L3MBTL4: variants seen among roughly 807,000 people sequenced by gnomAD.
L3MBTL4 encodes lethal(3)malignant brain tumor-like protein 4.
A neutral mutation model predicts 84.5 loss-of-function variants in L3MBTL4; 70 were observed. The ratio of observed to expected loss-of-function variants is 0.83; its 90% CI spans 0.68 to 1.01. The LOEUF is 1.01. Among genes scored for constraint, L3MBTL4 ranks in the 50% least tolerant of loss-of-function variants. The pLI, the probability that L3MBTL4 is intolerant of heterozygous loss-of-function variation, is 0.00. For missense variants in L3MBTL4, 715 were observed against 754.8 expected, an observed-to-expected ratio of 0.95 and a Z score of 0.62; for synonymous variants, 274 against 259.8, an observed-to-expected ratio of 1.05 and a Z score of -0.52.
intron 1 of L3MBTL4, among the ~76,000 whole-genome samples, chr18:6,412,697 G>C (rs1276590054): frequency 6.6e-6 from 1 of 152,052 alleles, no homozygotes; most frequent in Non-Finnish European, 1.5e-5. Flanking sequence ...GGTCCTACGA[G>C]TATTTGTTGA....
chr18:6,071,740 G>GA (rs2057627501), intron 16 of L3MBTL4, among the ~76,000 whole-genome samples: 1 of 40,670 alleles, frequency 2.5e-5, no homozygotes, highest in Admixed American at 3.0e-4. Context: ...AAAGAAAGAA[G>GA]GAAGGAAAGA....
intron 16 of L3MBTL4, among the ~76,000 whole-genome samples, chr18:5,972,053 G>C (rs1029585843): frequency 6.6e-6 from 1 of 152,190 alleles, no homozygotes. Flanking sequence ...GGAATAGGCT[G>C]TATATGCCAA....
chr18:6,160,004 T>C (rs1014950067), intron 13 of L3MBTL4, among the ~76,000 whole-genome samples: 1 of 152,190 alleles, frequency 6.6e-6, no homozygotes, highest in African/African-American at 2.4e-5. Context: ...AAACAAGGGC[T>C]GAAGGGGCAG....
chr18:6,011,136 G>A (rs548458618), intron 16 of L3MBTL4, among the ~76,000 whole-genome samples: 1 of 152,276 alleles, frequency 6.6e-6, no homozygotes, highest in East Asian at 1.9e-4. Flanking sequence ...AACTTATGGT[G>A]TCTCATCAAG....
chr18:6,265,749 T>A (rs2146403541), intron 4 of L3MBTL4, among the ~76,000 whole-genome samples: 1 of 151,962 alleles, frequency 6.6e-6, no homozygotes, highest in African/African-American at 2.4e-5. Flanking sequence ...CTTATAGACA[T>A]GCAATAAAAA....
intron 1 of L3MBTL4, among the ~76,000 whole-genome samples, chr18:6,372,271 G>A (rs577738037): frequency 6.6e-6 from 1 of 152,290 alleles, no homozygotes; most frequent in African/African-American, 2.4e-5. Context: ...CATCCACCTG[G>A]TCCATAGCAA....
chr18:6,134,435 C>A (rs2059969682), intron 14 of L3MBTL4, among the ~76,000 whole-genome samples: 1 of 152,180 alleles, frequency 6.6e-6, no homozygotes, highest in South Asian at 2.1e-4. Context: ...ACCCAAAAGT[C>A]CACAGTCCAA....
chr18:6,191,059 G>A (rs938241955), intron 12 of L3MBTL4, among the ~76,000 whole-genome samples: 14 of 152,118 alleles, frequency 9.2e-5, no homozygotes, highest in African/African-American at 3.4e-4. Flanking sequence ...TTTATTCTTG[G>A]GGAGACAGGA....
intron 16 of L3MBTL4, among the ~76,000 whole-genome samples, chr18:5,985,994 G>T (rs1187384999): frequency 6.6e-6 from 1 of 152,172 alleles, no homozygotes; most frequent in Non-Finnish European, 1.5e-5. Context: ...GCAACCAGGG[G>T]TGCTGAGCAA....
chr18:6,248,133 G>A (rs2047764876), intron 5 of L3MBTL4, among the ~76,000 whole-genome samples: 1 of 152,238 alleles, frequency 6.6e-6, no homozygotes, highest in South Asian at 2.1e-4. Context: ...CAAAAGGTTT[G>A]TTCTGCCCTC....
chr18:6,063,933 A>C (rs1026082149), intron 16 of L3MBTL4, among the ~76,000 whole-genome samples: 6 of 151,872 alleles, frequency 4.0e-5, no homozygotes, highest in Admixed American at 3.9e-4. Context: ...TCTTTGCCTA[A>C]GCTAATGTCC....
intron 16 of L3MBTL4, among the ~76,000 whole-genome samples, chr18:6,073,171 G>C (rs1024709362): frequency 6.6e-6 from 1 of 151,012 alleles, no homozygotes; most frequent in Non-Finnish European, 1.5e-5. Context: ...CAGAGAGAGA[G>C]AGAGTGAGAG....
intron 1 of L3MBTL4, among the ~76,000 whole-genome samples, chr18:6,324,565 C>T (rs1465947069): frequency 9.2e-5 from 14 of 152,316 alleles, no homozygotes; most frequent in African/African-American, 2.4e-4. Flanking sequence ...GGCAAGCTGA[C>T]GCTTAAAATG....
chr18:6,096,678 T>A (rs1250248633), intron 14 of L3MBTL4, among the ~76,000 whole-genome samples: 2 of 152,150 alleles, frequency 1.3e-5, no homozygotes, highest in African/African-American at 4.8e-5. Flanking sequence ...AAAAGAAGAC[T>A]GAAGTGGACA....
At chr18:6,332,781 T>A (rs561134706) in intron 1 of L3MBTL4, among the ~76,000 whole-genome samples, 6 of 152,256 alleles carry the variant, frequency 3.9e-5, no homozygotes, top group Non-Finnish European at 8.8e-5. Flanking sequence ...CTCAGTTTTG[T>A]GAGCTAATAA....
At chr18:6,069,930 T>G (rs2145963808) in intron 16 of L3MBTL4, among the ~76,000 whole-genome samples, 1 of 152,184 alleles carries the variant, frequency 6.6e-6, no homozygotes, top group East Asian at 1.9e-4. Flanking sequence ...TAAAAATTAA[T>G]TACATGAGTG....
chr18:6,079,844 G>C (rs185187202), intron 16 of L3MBTL4: 1 of 152,262 alleles, frequency 6.6e-6, no homozygotes, highest in East Asian at 1.9e-4. Context: ...GCAGACTTGA[G>C]CTCTGGTTAT....
chr18:6,175,834 A>T (rs1249067668), intron 12 of L3MBTL4, among the ~76,000 whole-genome samples: 1 of 152,200 alleles, frequency 6.6e-6, no homozygotes, highest in Non-Finnish European at 1.5e-5. Context: ...ATTAGGCAAG[A>T]GAAAGAAATA....
intron 4 of L3MBTL4, among the ~76,000 whole-genome samples, chr18:6,266,308 ATTCT>A (rs1408946736): frequency 6.6e-6 from 1 of 152,238 alleles, no homozygotes; most frequent in East Asian, 1.9e-4. Context: ...TGACATAAAT[ATTCT>A]TTCTTTATTT....
Sources: gnomAD v4.1 joint callset for allele counts (sites outside exome capture counted in the v4.1 genomes callset) on GRCh38, gnomAD v4.1.1 for gene constraint, MANE v1.5 for transcripts, NCBI Gene and HGNC (gene_info 2026-07-23, HGNC 2026-07-21) for gene names.